Variants in SHANK2 observed in about 807,000 individuals in gnomAD.
The protein encoded by SHANK2 is SH3 and multiple ankyrin repeat domains 2, also known as SH3 and multiple ankyrin repeat domains protein 2.
Under a neutral mutation model 133.7 loss-of-function variants are expected in SHANK2, and 43 were observed. That is an observed-to-expected ratio of 0.32 (90% CI 0.25 to 0.41). SHANK2 has a LOEUF of 0.41. Among genes scored for constraint, SHANK2 ranks in the 10% least tolerant of loss-of-function variants. The pLI is 1.00. For missense variants in SHANK2, 1,994 were observed against 2,235.8 expected (o/e 0.89, Z 2.18); for synonymous variants, 1,017 against 952.8 (o/e 1.07, Z -1.24).
chr11:70,664,248 A>C (rs1944637809), intron 15 of SHANK2, among the ~76,000 whole-genome samples: 1 of 151,632 alleles, frequency 6.6e-6, no homozygotes, highest in African/African-American at 2.4e-5. Context: ...TCTAGTCACC[A>C]CCCATTTTCC....
At chr11:70,752,461 G>A (rs1262421327) in intron 14 of SHANK2, among the ~76,000 whole-genome samples, 3 of 152,212 alleles carry the variant, frequency 2.0e-5, no homozygotes, top group Non-Finnish European at 4.4e-5. Context: ...GCTCACGCCT[G>A]TAATCCCAGC....
intron 11 of SHANK2, among the ~76,000 whole-genome samples, chr11:70,850,208 T>C (rs1364764950): frequency 6.6e-6 from 1 of 152,122 alleles, no homozygotes; most frequent in Non-Finnish European, 1.5e-5. Context: ...TTCACAACAG[T>C]GTCAGCGGTC....
intron 10 of SHANK2, among the ~76,000 whole-genome samples, chr11:70,913,311 T>C (rs1342382717): frequency 1.3e-5 from 2 of 152,128 alleles, no homozygotes; most frequent in Non-Finnish European, 2.9e-5. Context: ...TCAGGGACCA[T>C]ATGGAATACC....
intron 1 of SHANK2, among the ~76,000 whole-genome samples, chr11:71,246,627 A>G (rs782741026): frequency 1.3e-5 from 2 of 152,132 alleles, no homozygotes; most frequent in Non-Finnish European, 2.9e-5. Context: ...AGGGTAGCCA[A>G]GTCTTTCCTG....
intron 17 of SHANK2, among the ~76,000 whole-genome samples, chr11:70,556,010 G>A (rs1451010079): frequency 6.6e-6 from 1 of 152,216 alleles, no homozygotes; most frequent in Non-Finnish European, 1.5e-5. Flanking sequence ...AAATAAAAGT[G>A]CGAGGTGAAA....
At chr11:71,156,481 C>T (rs1952908582) in intron 2 of SHANK2, among the ~76,000 whole-genome samples, 3 of 152,192 alleles carry the variant, frequency 2.0e-5, no homozygotes, top group Admixed American at 6.5e-5. Flanking sequence ...AAATCCTTCC[C>T]TTTCAGACTC....
intron 17 of SHANK2, chr11:70,604,253 C>T (rs1374870583): frequency 6.6e-6 from 1 of 152,314 alleles, no homozygotes; most frequent in East Asian, 1.9e-4. Context: ...AACTGGGAGA[C>T]ACAAGTGAGC....
intron 8 of SHANK2, among the ~76,000 whole-genome samples, chr11:71,082,639 C>G (rs1282181015): frequency 6.6e-6 from 1 of 152,186 alleles, no homozygotes; most frequent in Non-Finnish European, 1.5e-5. Flanking sequence ...TCCCACAGGC[C>G]TGGGAGGATC....
chr11:70,491,355 C>T lies in SHANK2; in HGVS notation c.2440-968G>A, dbSNP rs183705983. On this transcript the variant is annotated intron_variant, in intron 22 of 25. Coordinates refer to ENST00000601538, the MANE Select transcript of SHANK2 (RefSeq NM_012309.5). The stretch of plus-strand genomic sequence containing the variant: ...CACCTTGTCTCAGACACCCCCCCAA[C>T]TTGGTGGGGCATGTGGGTGCCACGA... Among the ~76,000 whole-genome samples, 59 of 152,266 alleles carry T rather than the reference C, an allele frequency of 3.9e-4. 1 individual carries two copies. The highest frequency in any genetic ancestry group is 3.7e-3 in the Admixed American group (56 of 15,300).
intron 9 of SHANK2, among the ~76,000 whole-genome samples, chr11:71,061,825 C>G (rs1341136063): frequency 1.3e-5 from 2 of 152,070 alleles, no homozygotes; most frequent in East Asian, 3.9e-4. Context: ...GGGCAGGTCC[C>G]TGGCTTTTCC....
intron 10 of SHANK2, among the ~76,000 whole-genome samples, chr11:70,914,668 T>TAAATAAAATG (rs1950243251): frequency 2.8e-5 from 3 of 107,294 alleles, no homozygotes; most frequent in African/African-American, 7.4e-5. Context: ...ACAAAAAAAA[T>TAAATAAAATG]AAATAAAATA....
intron 25 of SHANK2, among the ~76,000 whole-genome samples, chr11:70,477,923 C>T (rs1404147611): frequency 1.3e-5 from 2 of 152,164 alleles, no homozygotes; most frequent in African/African-American, 2.4e-5. Flanking sequence ...GGTTCCCAGT[C>T]GGAACACACA....
At chr11:71,067,412 C>T (rs1435092427) in intron 9 of SHANK2, among the ~76,000 whole-genome samples, 4 of 152,126 alleles carry the variant, frequency 2.6e-5, no homozygotes, top group African/African-American at 4.8e-5. Flanking sequence ...AAAAATGAAC[C>T]CCAGGCTGCT....
At chr11:70,661,853 G>T (rs1278116233) in intron 15 of SHANK2, 175 bp from the exon 16 acceptor site, 19 of 1,580,668 alleles carry the variant, frequency 1.2e-5, no homozygotes, top group Non-Finnish European at 1.6e-5. Context: ...AAGGAAGAGG[G>T]GGGTGGCTAC....
chr11:70,589,238 C>G (rs1413583365), intron 17 of SHANK2, among the ~76,000 whole-genome samples: 1 of 152,196 alleles, frequency 6.6e-6, no homozygotes, highest in Non-Finnish European at 1.5e-5. Flanking sequence ...GCTAGTACAG[C>G]TGGTGACTTT....
intron 14 of SHANK2, among the ~76,000 whole-genome samples, chr11:70,762,049 G>C (rs549692104): frequency 6.6e-6 from 1 of 152,186 alleles, no homozygotes; most frequent in African/African-American, 2.4e-5. Context: ...ATCTGTGGGC[G>C]TGGGGTTCTT....
chr11:70,506,424 G>C (rs2059138103), intron 17 of SHANK2, among the ~76,000 whole-genome samples: 1 of 152,208 alleles, frequency 6.6e-6, no homozygotes, highest in Non-Finnish European at 1.5e-5. Context: ...GGCAGGACCT[G>C]CTCAGGAGAG....
chr11:70,876,872 C>T (rs1225574663), intron 11 of SHANK2, among the ~76,000 whole-genome samples: 1 of 152,148 alleles, frequency 6.6e-6, no homozygotes, highest in Admixed American at 6.6e-5. Flanking sequence ...GTCTAGTGGC[C>T]ACTCCAATAC....
At chr11:70,690,678 TAAATATA>T (rs1945269269) in intron 15 of SHANK2, among the ~76,000 whole-genome samples, 1 of 141,042 alleles carries the variant, frequency 7.1e-6, no homozygotes, top group Non-Finnish European at 1.5e-5. Context: ...CCCATAAATA[TAAATATA>T]AATATAAATA....
Sources: allele counts gnomAD v4.1 joint callset (sites outside exome capture counted in the v4.1 genomes callset), GRCh38; gene constraint gnomAD v4.1.1; transcripts MANE v1.5; gene names NCBI Gene and HGNC (gene_info 2026-07-23, HGNC 2026-07-21).